Variants in PALM2AKAP2 observed in about 807,000 individuals in gnomAD.
The protein encoded by PALM2AKAP2 is PALM2-AKAP2 fusion protein.
PALM2AKAP2 carries 37 observed loss-of-function variants against 71.5 expected under a neutral mutation model. The ratio of observed to expected loss-of-function variants is 0.52; its 90% CI spans 0.40 to 0.68. The LOEUF is 0.68. Among genes scored for constraint, PALM2AKAP2 ranks in the 30% least tolerant of loss-of-function variants. The probability of loss-of-function intolerance (pLI) is 0.00; values close to 1 mark genes in which losing one functional copy is unlikely to be tolerated. For missense variants in PALM2AKAP2, 1,224 were observed against 1,191.8 expected (o/e 1.03, Z -0.40); for synonymous variants, 468 against 478.8 (o/e 0.98, Z 0.29).
At chr9:110,085,510 C>G (rs1170084096) in intron 1 of PALM2AKAP2, among the ~76,000 whole-genome samples, 1 of 150,874 alleles carries the variant, frequency 6.6e-6, no homozygotes, top group Non-Finnish European at 1.5e-5. Context: ...TTTCACCGAT[C>G]TGGAACTTTG....
intron 1 of PALM2AKAP2, among the ~76,000 whole-genome samples, chr9:109,664,298 GT>G (rs1158969923): frequency 6.6e-6 from 1 of 152,156 alleles, no homozygotes; most frequent in Non-Finnish European, 1.5e-5. Context: ...GGTCTTTACA[GT>G]TTTGCCTGTT....
chr9:109,725,268 T>C (rs1186079313), intron 1 of PALM2AKAP2, among the ~76,000 whole-genome samples: 1 of 152,166 alleles, frequency 6.6e-6, no homozygotes, highest in African/African-American at 2.4e-5. Context: ...TTTCAAATGT[T>C]GATATTTTGT....
intron 1 of PALM2AKAP2, among the ~76,000 whole-genome samples, chr9:109,664,714 T>C (rs1340626832): frequency 6.6e-6 from 1 of 152,232 alleles, no homozygotes; most frequent in East Asian, 1.9e-4. Context: ...TCTCTGTATT[T>C]CCTGAATTTG....
At chr9:109,766,096 A>T (rs2118750661) in intron 1 of PALM2AKAP2, among the ~76,000 whole-genome samples, 1 of 152,272 alleles carries the variant, frequency 6.6e-6, no homozygotes, top group Admixed American at 6.5e-5. Context: ...TACATGCATT[A>T]CCTTCCCTAC....
In PALM2AKAP2 at chr9:109,691,877, CACACATATATATAT is replaced by C. The variant is rs1207418196; in HGVS notation, c.5+51013_5+51026del. Among the ~76,000 whole-genome samples, 380 of 49,428 alleles carry C rather than the reference CACACATATATATAT, an allele frequency of 7.7e-3. 16 individuals carry two copies. Among genetic ancestry groups the C allele is most frequent in the African/African-American group, 0.022 (342 of 15,218 alleles). The allele number at this position is 49,428 out of a possible 152,430, so 32.4% of individuals were successfully genotyped here. On this transcript the variant is annotated intron_variant, in intron 1 of 6. Coordinates refer to the PALM2AKAP2 transcript ENST00000374531. Reference sequence around the variant, plus strand: ...ATATATATATATATATACACACACACACACATATATATATATATATATATACACACACACATATA... The same window carrying C: ...ATATATATATATATATACACACACACATATATATATACACACACACATATA...
chr9:109,724,298 G>C (rs1487678656), intron 1 of PALM2AKAP2, among the ~76,000 whole-genome samples: 1 of 152,170 alleles, frequency 6.6e-6, no homozygotes, highest in Non-Finnish European at 1.5e-5. Context: ...ATATTGTAAA[G>C]ATGTCACGCT....
At chr9:109,834,637 G>C (rs1297973940) in intron 1 of PALM2AKAP2, among the ~76,000 whole-genome samples, 1 of 151,752 alleles carries the variant, frequency 6.6e-6, no homozygotes, top group East Asian at 1.9e-4. Context: ...CTCCGCCTGA[G>C]CTCACCACAC....
In PALM2AKAP2 at chr9:109,683,904, A is replaced by G. The variant is rs193017282; in HGVS notation, c.5+43038A>G. Among the ~76,000 whole-genome samples, 6 of 152,198 alleles carry G rather than the reference A, an allele frequency of 3.9e-5. No homozygotes were observed. In the East Asian group the frequency reaches 7.7e-4, roughly 20 times the overall value. On this transcript the variant is annotated intron_variant, in intron 1 of 6. Coordinates refer to the PALM2AKAP2 transcript ENST00000374531. The stretch of plus-strand genomic sequence containing the variant: ...TATAGTGTATATTGGTTATATTATA[A>G]CTGATAATGATCCCCATTTTACAGT...
chr9:109,824,542 C>A (rs1487569781), intron 1 of PALM2AKAP2, among the ~76,000 whole-genome samples: 1 of 152,126 alleles, frequency 6.6e-6, no homozygotes, highest in Non-Finnish European at 1.5e-5. Context: ...TAGCAAATAC[C>A]CTGTGTGAGG....
At chr9:109,916,775 G>A (rs1296020833) in intron 3 of PALM2AKAP2, among the ~76,000 whole-genome samples, 1 of 152,228 alleles carries the variant, frequency 6.6e-6, no homozygotes, top group Non-Finnish European at 1.5e-5. Flanking sequence ...CAGAAGTGGT[G>A]TACTCTTTCC....
At chr9:109,715,576 C>A (rs191595937) in intron 1 of PALM2AKAP2, among the ~76,000 whole-genome samples, 11 of 152,336 alleles carry the variant, frequency 7.2e-5, no homozygotes, top group African/African-American at 2.6e-4. Context: ...TGCAGTGCAA[C>A]CCAGCCCAGC....
intron 1 of PALM2AKAP2, among the ~76,000 whole-genome samples, chr9:109,827,750 G>C (rs189550748): frequency 1.3e-5 from 2 of 151,948 alleles, no homozygotes; most frequent in Non-Finnish European, 2.9e-5. Context: ...AGACAGTCAC[G>C]GACAAAAGGA....
chr9:110,037,801 T>A (rs1389448288), intron 7 of PALM2AKAP2, among the ~76,000 whole-genome samples: 1 of 152,178 alleles, frequency 6.6e-6, no homozygotes, highest in Non-Finnish European at 1.5e-5. Flanking sequence ...GAATTTGCAA[T>A]ATACTTGTTA....
At chr9:109,910,084 G>C (rs1255065375) in intron 3 of PALM2AKAP2, among the ~76,000 whole-genome samples, 2 of 152,218 alleles carry the variant, frequency 1.3e-5, no homozygotes, top group Non-Finnish European at 2.9e-5. Flanking sequence ...TATGAAAAGA[G>C]ATTTGTGGGG....
chr9:110,131,651 T>G (rs1390080628), intron 1 of PALM2AKAP2, among the ~76,000 whole-genome samples: 3 of 152,236 alleles, frequency 2.0e-5, no homozygotes, highest in African/African-American at 4.8e-5. Flanking sequence ...CAGGCCATCA[T>G]GCATGAAGGC....
chr9:109,777,625 G>A (rs1283004018), upstream of PALM2AKAP2, among the ~76,000 whole-genome samples: 1 of 152,112 alleles, frequency 6.6e-6, no homozygotes, highest in Non-Finnish European at 1.5e-5. Context: ...CTCACCTCTT[G>A]TAAGTGCTTC....
intron 7 of PALM2AKAP2, among the ~76,000 whole-genome samples, chr9:110,030,928 T>C (rs1833267941): frequency 6.6e-6 from 1 of 152,212 alleles, no homozygotes; most frequent in Non-Finnish European, 1.5e-5. Flanking sequence ...AACAACTACT[T>C]CTTCCTCAGA....
Position 110,017,742 on chromosome 9 carries a change from T to G in PALM2AKAP2, c.582+1703T>G, listed in dbSNP as rs1833006022. Among the ~76,000 whole-genome samples the G allele has an allele frequency of 2.0e-5, 3 of 151,986 alleles. No homozygotes were observed. In the South Asian group the frequency reaches 6.2e-4, roughly 32 times the overall value. On this transcript the variant is annotated intron_variant, in intron 7 of 9. Transcript: ENST00000302798. ...AACGGCATATTCCTTTTTTTTTTTT[T>G]TTTTAAGACGGAGTCTTGCTGTGTC...
At chr9:109,742,968 A>G (rs78505793) in intron 1 of PALM2AKAP2, among the ~76,000 whole-genome samples, 6,499 of 152,324 alleles carry the variant, frequency 0.043, 192 homozygotes, top group Non-Finnish European at 0.053. Context: ...CAGAGATAGA[A>G]GGAGTGGAGA....
Sources: allele counts gnomAD v4.1 joint callset (sites outside exome capture counted in the v4.1 genomes callset), GRCh38; gene constraint gnomAD v4.1.1; transcripts MANE v1.5; gene names NCBI Gene and HGNC (gene_info 2026-07-23, HGNC 2026-07-21).